Variants in GALNT7 observed in about 807,000 individuals in gnomAD.
GALNT7 encodes the protein polypeptide N-acetylgalactosaminyltransferase 7.
In GALNT7, 60 loss-of-function variants were observed where a neutral mutation model predicts 82.1. The observed-to-expected ratio is 0.73, with a 90% CI of 0.59 to 0.91. The LOEUF (loss-of-function observed/expected upper bound fraction) is 0.91, where lower values mean the gene tolerates loss of function less well. GALNT7 is among the 40% of genes least tolerant of loss of function. The probability of loss-of-function intolerance (pLI) is 0.00; values close to 1 mark genes in which losing one functional copy is unlikely to be tolerated. For synonymous variants in GALNT7, 243 were observed against 275.1 expected, an observed-to-expected ratio of 0.88 and a Z score of 1.15; for missense variants, 660 against 804.2, an observed-to-expected ratio of 0.82 and a Z score of 2.17.
intron 2 of GALNT7, among the ~76,000 whole-genome samples, chr4:173,278,288 G>A (rs1038823584): frequency 6.6e-5 from 10 of 152,202 alleles, no homozygotes; most frequent in Non-Finnish European, 1.2e-4. Context: ...TGAGTAAAGT[G>A]TTCAGATCCC....
At chr4:173,311,972 G>A (rs973960832) in intron 8 of GALNT7, among the ~76,000 whole-genome samples, 2 of 152,162 alleles carry the variant, frequency 1.3e-5, no homozygotes, top group African/African-American at 4.8e-5. Context: ...TCGGCCACAT[G>A]GCTGACAGGC....
chr4:173,184,469 C>T (rs1359302593), intron 1 of GALNT7, among the ~76,000 whole-genome samples: 1 of 151,798 alleles, frequency 6.6e-6, no homozygotes, highest in Non-Finnish European at 1.5e-5. Context: ...ATGGTGGCGC[C>T]CGCCTGCAAT....
chr4:173,214,980 T>A (rs138107983), intron 1 of GALNT7, among the ~76,000 whole-genome samples: 135 of 152,278 alleles, frequency 8.9e-4, no homozygotes, highest in Non-Finnish European at 1.5e-3. Context: ...TTCTTATAGT[T>A]AAGTTGTGGC....
intron 1 of GALNT7, among the ~76,000 whole-genome samples, chr4:173,172,725 C>CA: frequency 6.6e-6 from 1 of 152,238 alleles, no homozygotes; most frequent in East Asian, 1.9e-4. Context: ...TGAGAAGGAG[C>CA]ATTTGGGCAA....
chr4:173,226,792 T>G (rs1733845458), intron 1 of GALNT7, among the ~76,000 whole-genome samples: 1 of 152,200 alleles, frequency 6.6e-6, no homozygotes, highest in Non-Finnish European at 1.5e-5. Flanking sequence ...AAATGCCTGA[T>G]TTTTCCATTT....
In GALNT7 at chr4:173,304,119, G is replaced by C; in HGVS notation, c.1389+1G>C. The C allele has an allele frequency of 1.9e-6, 3 of 1,612,338 alleles. No homozygotes were observed. Among genetic ancestry groups the C allele is most frequent in the Non-Finnish European group, 2.5e-6 (3 of 1,179,412 alleles). On this transcript the variant is annotated splice_donor_variant, in intron 8 of 11. Coordinates refer to ENST00000265000, the MANE Select transcript of GALNT7 (RefSeq NM_017423.3). LOFTEE classifies it high-confidence loss of function. ...TGTTGGGTCTTCTCCAACTCTGAAG[G>C]TGAGTTTTTTGGATAAAAGGGGAGG...
intron 5 of GALNT7, among the ~76,000 whole-genome samples, chr4:173,297,356 G>A (rs1471267820): frequency 6.6e-6 from 1 of 151,976 alleles, no homozygotes; most frequent in African/African-American, 2.4e-5. Flanking sequence ...AGCAACAAAG[G>A]GTTGAGAGAA....
chr4:173,179,517 GT>G (rs1308493599), intron 1 of GALNT7, among the ~76,000 whole-genome samples: 1 of 152,164 alleles, frequency 6.6e-6, no homozygotes, highest in Non-Finnish European at 1.5e-5. Flanking sequence ...TGTGAGCAAG[GT>G]TTGCAAGTAG....
intron 1 of GALNT7, among the ~76,000 whole-genome samples, chr4:173,225,454 C>T (rs1360237499): frequency 6.6e-6 from 1 of 152,182 alleles, no homozygotes. Context: ...CAATATCTTC[C>T]TTACAGTTCT....
intron 8 of GALNT7, among the ~76,000 whole-genome samples, chr4:173,309,267 A>T (rs989196248): frequency 1.1e-4 from 17 of 152,170 alleles, no homozygotes; most frequent in Admixed American, 1.0e-3. Context: ...GATTCTCCCC[A>T]TTCCAGGGAG....
At chr4:173,275,414 C>A (rs1735867411) in intron 2 of GALNT7, among the ~76,000 whole-genome samples, 1 of 152,096 alleles carries the variant, frequency 6.6e-6, no homozygotes, top group Non-Finnish European at 1.5e-5. Flanking sequence ...CAGCTGCATC[C>A]CACAGACTAT....
intron 2 of GALNT7, among the ~76,000 whole-genome samples, chr4:173,267,607 G>A (rs1419367779): frequency 6.6e-6 from 1 of 152,134 alleles, no homozygotes; most frequent in Non-Finnish European, 1.5e-5. Flanking sequence ...ACCTCAGCAA[G>A]CAGAGCTCAC....
In GALNT7 at chr4:173,292,302, C is replaced by T; in HGVS notation, c.754+28C>T. The stretch of plus-strand genomic sequence containing the variant: ...AATGGCTGTGAAACTCACATTTTGT[C>T]TATAAAATAAGTTAAGCATGAATAA... On this transcript the variant is annotated intron_variant, in intron 3 of 11. Transcript: ENST00000265000. This position sits in a 1 kb window ranked among gnomAD's most constrained non-coding sequence, Gnocchi z 4.8. The T allele has an allele frequency of 7.2e-7, 1 of 1,393,576 alleles. No homozygotes were observed. 86.3% of individuals were successfully genotyped at this position (1,393,576 alleles called of 1,614,324 possible).
chr4:173,186,009 G>C (rs1243826117), intron 1 of GALNT7, among the ~76,000 whole-genome samples: 2 of 152,210 alleles, frequency 1.3e-5, no homozygotes, highest in Admixed American at 6.5e-5. Context: ...GGCAAGGAGA[G>C]TGAACTTTAA....
chr4:173,253,766 T>G (rs1350077466), intron 2 of GALNT7, among the ~76,000 whole-genome samples: 1 of 152,210 alleles, frequency 6.6e-6, no homozygotes, highest in Non-Finnish European at 1.5e-5. Context: ...TTACCTGAAC[T>G]GGTCTGCTGC....
intron 2 of GALNT7, among the ~76,000 whole-genome samples, chr4:173,285,605 G>A (rs1253564311): frequency 6.6e-6 from 1 of 152,172 alleles, no homozygotes; most frequent in Non-Finnish European, 1.5e-5. Flanking sequence ...AGGTACCACA[G>A]CTTTTACTTT....
intron 6 of GALNT7, among the ~76,000 whole-genome samples, chr4:173,299,981 A>G (rs1736861149): frequency 6.6e-6 from 1 of 152,256 alleles, no homozygotes; most frequent in Non-Finnish European, 1.5e-5. Context: ...AAGAAAAAGC[A>G]TGAGAGAACA....
At chr4:173,314,957 G>T (rs957500053) in intron 9 of GALNT7, among the ~76,000 whole-genome samples, 1 of 152,140 alleles carries the variant, frequency 6.6e-6, no homozygotes, top group Non-Finnish European at 1.5e-5. Context: ...AAGCAAAGTC[G>T]TTTTTCTCAG....
intron 1 of GALNT7, among the ~76,000 whole-genome samples, chr4:173,198,311 G>A (rs572040117): frequency 1.7e-4 from 25 of 149,812 alleles, no homozygotes; most frequent in Middle Eastern, 3.5e-3. Context: ...CTCATGATCC[G>A]CCTGCCTCGG....
Sources: allele counts gnomAD v4.1 joint callset (sites outside exome capture counted in the v4.1 genomes callset), GRCh38; gene constraint gnomAD v4.1.1; non-coding constraint Gnocchi (gnomAD v3.1); transcripts MANE v1.5; gene names NCBI Gene and HGNC (gene_info 2026-07-23, HGNC 2026-07-21).